Variants in C10orf90 observed in about 807,000 individuals in gnomAD.
C10orf90 encodes the protein (E2-independent) E3 ubiquitin-conjugating enzyme FATS.
A neutral mutation model predicts 62.5 loss-of-function variants in C10orf90; 56 were observed. The observed-to-expected ratio is 0.90, with a 90% confidence interval of 0.72 to 1.12. The LOEUF is 1.12. C10orf90 is among the 50% of genes most tolerant of loss of function. The pLI is 0.00. For missense variants in C10orf90, 970 were observed against 880.4 expected, an observed-to-expected ratio of 1.10 and a Z score of -1.29; for synonymous variants, 386 against 340.4, an observed-to-expected ratio of 1.13 and a Z score of -1.47.
chr10:126,501,596 C>T (rs1253868086), intron 4 of C10orf90, among the ~76,000 whole-genome samples: 1 of 152,128 alleles, frequency 6.6e-6, no homozygotes, highest in Non-Finnish European at 1.5e-5. Context: ...CAATCTACCC[C>T]CTGCTCTAGT....
At chr10:126,449,831 TACTA>T (rs1859051116) in intron 7 of C10orf90, among the ~76,000 whole-genome samples, 1 of 152,030 alleles carries the variant, frequency 6.6e-6, no homozygotes, top group Admixed American at 6.5e-5. Flanking sequence ...ACCCTGTCTC[TACTA>T]AAGACACAAA....
intron 2 of C10orf90, among the ~76,000 whole-genome samples, chr10:126,586,416 G>C (rs770828225): frequency 1.3e-5 from 2 of 152,224 alleles, no homozygotes; most frequent in Non-Finnish European, 2.9e-5. Flanking sequence ...GGCACAGAGG[G>C]CAGGCAAAGG....
chr10:126,630,132 C>T (rs958551443), intron 2 of C10orf90, among the ~76,000 whole-genome samples: 1 of 152,184 alleles, frequency 6.6e-6, no homozygotes. Context: ...TTCTTGATGT[C>T]CCTGTGATGC....
intron 4 of C10orf90, among the ~76,000 whole-genome samples, chr10:126,488,018 T>A (rs945655376): frequency 6.6e-6 from 1 of 151,528 alleles, no homozygotes; most frequent in Non-Finnish European, 1.5e-5. Context: ...ATAATAGAAA[T>A]AAAGAGTATA....
intron 4 of C10orf90, among the ~76,000 whole-genome samples, chr10:126,477,330 G>T (rs1426942781): frequency 6.6e-6 from 1 of 150,910 alleles, no homozygotes; most frequent in Non-Finnish European, 1.5e-5. Context: ...AAAAAAGATA[G>T]TTGATTTCTT....
At chr10:126,552,729 G>A (rs145771185) in intron 2 of C10orf90, among the ~76,000 whole-genome samples, 5 of 152,272 alleles carry the variant, frequency 3.3e-5, no homozygotes, top group East Asian at 3.8e-4. Context: ...ATGCGCAAAG[G>A]CAGAGGACGA....
intron 2 of C10orf90, among the ~76,000 whole-genome samples, chr10:126,644,412 G>A (rs182161877): frequency 6.6e-6 from 1 of 152,356 alleles, no homozygotes; most frequent in East Asian, 1.9e-4. Context: ...ACATGAGAGG[G>A]TGCCTTGGAG....
chr10:126,608,036 A>ACGAACCC (rs1436087742), intron 2 of C10orf90, among the ~76,000 whole-genome samples: 1 of 152,188 alleles, frequency 6.6e-6, no homozygotes, highest in Non-Finnish European at 1.5e-5. Context: ...GTTTTCCAAG[A>ACGAACCC]CGAAACGAGT....
At chr10:126,594,424 G>T (rs1487669188) in intron 2 of C10orf90, among the ~76,000 whole-genome samples, 1 of 152,020 alleles carries the variant, frequency 6.6e-6, no homozygotes, top group Non-Finnish European at 1.5e-5. Context: ...TGTGGACAGG[G>T]GACATCCTCC....
intron 4 of C10orf90, among the ~76,000 whole-genome samples, chr10:126,479,098 G>A (rs1861043576): frequency 6.6e-6 from 1 of 152,168 alleles, no homozygotes. Flanking sequence ...AACTCCCGCT[G>A]TACCGCAGGG....
chr10:126,538,344 C>G (rs1864292025), intron 2 of C10orf90, among the ~76,000 whole-genome samples: 1 of 152,182 alleles, frequency 6.6e-6, no homozygotes, highest in Non-Finnish European at 1.5e-5. Context: ...GGTGGGGACA[C>G]AGTCAAACCA....
At chr10:126,611,453 A>G (rs1351970618) in intron 2 of C10orf90, among the ~76,000 whole-genome samples, 1 of 144,194 alleles carries the variant, frequency 6.9e-6, no homozygotes, top group Non-Finnish European at 1.5e-5. Flanking sequence ...TAATGCTGCT[A>G]TTTGGAACAT....
intron 4 of C10orf90, among the ~76,000 whole-genome samples, chr10:126,474,377 A>G (rs1186439996): frequency 2.6e-5 from 4 of 152,210 alleles, no homozygotes; most frequent in African/African-American, 9.6e-5. Context: ...CAGGTGTGCA[A>G]TCCCATCAGG....
intron 8 of C10orf90, 139 bp downstream of exon 8, chr10:126,429,648 T>C (rs1857458623): frequency 4.5e-6 from 3 of 661,456 alleles, no homozygotes; most frequent in Admixed American, 5.7e-5. Flanking sequence ...TTAGCCGTTT[T>C]TTCAGATTTG....
chr10:126,534,890 A>G (rs576954996), intron 2 of C10orf90, among the ~76,000 whole-genome samples: 77 of 152,238 alleles, frequency 5.1e-4, no homozygotes, highest in Middle Eastern at 3.4e-3. Flanking sequence ...GCCTCCATGG[A>G]GGTCACACTC....
At chr10:126,543,610 C>A (rs1564864916) in intron 2 of C10orf90, among the ~76,000 whole-genome samples, 1 of 152,172 alleles carries the variant, frequency 6.6e-6, no homozygotes, top group Non-Finnish European at 1.5e-5. Context: ...TTCCCTGAGA[C>A]CAAGCCAATG....
At chr10:126,538,479 T>C (rs530756173) in intron 2 of C10orf90, among the ~76,000 whole-genome samples, 18 of 152,320 alleles carry the variant, frequency 1.2e-4, no homozygotes, top group Admixed American at 1.2e-3. Flanking sequence ...GTCAGACTCC[T>C]AACCTCCAGA....
intron 2 of C10orf90, among the ~76,000 whole-genome samples, chr10:126,526,393 C>T (rs1863945712): frequency 6.6e-6 from 1 of 151,956 alleles, no homozygotes; most frequent in Admixed American, 6.6e-5. Flanking sequence ...TACAGGCACC[C>T]ACCACCACAC....
At chr10:126,428,606 A>G (rs60932763) in intron 8 of C10orf90, among the ~76,000 whole-genome samples, 4,815 of 152,226 alleles carry the variant, frequency 0.032, 264 homozygotes, top group African/African-American at 0.11. Context: ...CCTCTTCAGT[A>G]AAATGATAGG....
Sources: gnomAD v4.1 joint callset for allele counts (sites outside exome capture counted in the v4.1 genomes callset) on GRCh38, gnomAD v4.1.1 for gene constraint, MANE v1.5 for transcripts, NCBI Gene and HGNC (gene_info 2026-07-23, HGNC 2026-07-21) for gene names.